The following SLC6A17 variants were observed in gnomAD, a reference collection of about 807,000 sequenced individuals.
SLC6A17 encodes the protein sodium-dependent neutral amino acid transporter SLC6A17.
A neutral mutation model predicts 64.5 loss-of-function variants in SLC6A17; 21 were observed. That is an observed-to-expected ratio of 0.33 (90% confidence interval 0.23 to 0.47). The LOEUF is 0.47. Among genes scored for constraint, SLC6A17 ranks in the 20% least tolerant of loss-of-function variants. The pLI is 1.00. For missense variants in SLC6A17, 682 were observed against 963.2 expected, an observed-to-expected ratio of 0.71 and a Z score of 3.86; for synonymous variants, 372 against 399.5, an observed-to-expected ratio of 0.93 and a Z score of 0.82.
intron 6 of SLC6A17, among the ~76,000 whole-genome samples, chr1:110,179,841 C>T (rs1656474638): frequency 6.6e-6 from 1 of 152,026 alleles, no homozygotes; most frequent in African/African-American, 2.4e-5. Context: ...GCGTGAGCCA[C>T]TGCGCCTGGC....
intron 1 of SLC6A17, among the ~76,000 whole-genome samples, chr1:110,165,950 C>A (rs906217306): frequency 2.0e-5 from 3 of 152,160 alleles, no homozygotes; most frequent in Non-Finnish European, 4.4e-5. Flanking sequence ...TCAAAGGCTT[C>A]GTTTTCTTGG....
chr1:110,160,237 T>C (rs1393812017), intron 1 of SLC6A17, among the ~76,000 whole-genome samples: 2 of 152,092 alleles, frequency 1.3e-5, no homozygotes, highest in African/African-American at 4.8e-5. Flanking sequence ...TGGATTAGAG[T>C]CCCCCTGGCT....
chr1:110,167,572 G>A (rs539300809), intron 2 of SLC6A17, among the ~76,000 whole-genome samples: 10 of 152,248 alleles, frequency 6.6e-5, no homozygotes, highest in Non-Finnish European at 1.0e-4. Flanking sequence ...TGAGCTTTAC[G>A]TGCAGAATGG....
intron 6 of SLC6A17, among the ~76,000 whole-genome samples, chr1:110,187,123 AAAAAAC>A (rs1553206857): frequency 5.9e-5 from 9 of 151,768 alleles, no homozygotes; most frequent in South Asian, 2.1e-4. Context: ...TCTTGTTAAA[AAAAAAC>A]AAAAACAAAA....
chr1:110,183,556 A>G (rs1332025925), intron 6 of SLC6A17, among the ~76,000 whole-genome samples: 2 of 152,208 alleles, frequency 1.3e-5, no homozygotes, highest in Non-Finnish European at 2.9e-5. Context: ...GTGTGGTAAT[A>G]GTTACACAAC....
intron 6 of SLC6A17, among the ~76,000 whole-genome samples, chr1:110,183,176 C>A (rs1416557540): frequency 6.6e-6 from 1 of 152,208 alleles, no homozygotes; most frequent in Non-Finnish European, 1.5e-5. Context: ...CACAAATGTT[C>A]ATAGCAGCAT....
intron 11 of SLC6A17, 101 bp downstream of exon 11, chr1:110,197,700 C>T (rs1044305153): frequency 1.4e-5 from 18 of 1,309,852 alleles, no homozygotes; most frequent in Non-Finnish European, 1.7e-5. Flanking sequence ...CTGCTATGTG[C>T]CAGGCCTTGC....
At chr1:110,162,585 G>A (rs1311143905) in intron 1 of SLC6A17, among the ~76,000 whole-genome samples, 1 of 152,124 alleles carries the variant, frequency 6.6e-6, no homozygotes, top group Non-Finnish European at 1.5e-5. Flanking sequence ...CCCCTCTCAG[G>A]GTCCTTCTCT....
chr1:110,153,160 G>A (rs1655652564), intron 1 of SLC6A17, among the ~76,000 whole-genome samples: 1 of 152,162 alleles, frequency 6.6e-6, no homozygotes, highest in South Asian at 2.1e-4. Context: ...CCTTGGGGTT[G>A]TTTCTGACTG....
chr1:110,175,019 G>A (rs1433833804), intron 5 of SLC6A17, 59 bp downstream of exon 5: 2 of 1,560,536 alleles, frequency 1.3e-6, no homozygotes, highest in East Asian at 2.3e-5. Context: ...GGCACAGAGG[G>A]CACAGGGCTA....
At chr1:110,169,962 C>T (rs1656174776) in intron 2 of SLC6A17, among the ~76,000 whole-genome samples, 1 of 152,178 alleles carries the variant, frequency 6.6e-6, no homozygotes, top group Non-Finnish European at 1.5e-5. Context: ...CACTTCAGGG[C>T]CTGGCGGCCT....
intron 6 of SLC6A17, among the ~76,000 whole-genome samples, chr1:110,184,962 G>T (rs1656640249): frequency 6.6e-6 from 1 of 152,194 alleles, no homozygotes. Context: ...TCAACTCCTA[G>T]AGAAGAGAAG....
At chr1:110,171,986 A>G in intron 2 of SLC6A17, 74 bp from the exon 3 acceptor site, 1 of 1,556,134 alleles carries the variant, frequency 6.4e-7, no homozygotes, top group Non-Finnish European at 8.7e-7. Context: ...ACTGGAAGAC[A>G]TGGCTGCGGC....
At position 110,187,242 on chromosome 1, in the gene SLC6A17, G is replaced by A. The variant is rs963525096; in HGVS notation, c.865-4730G>A. Among the ~76,000 whole-genome samples the A allele has an allele frequency of 5.3e-5, 8 of 151,152 alleles. No homozygotes were observed. In the East Asian group the frequency reaches 5.8e-4, roughly 11 times the overall value. On this transcript the variant is annotated intron_variant, in intron 6 of 11. Coordinates refer to ENST00000331565, the MANE Select transcript of SLC6A17 (RefSeq NM_001010898.4). ...TCGCTAATCAGGCAGAACAATTCGC[G>A]AATCGGGCAGCCTTCCGAGCCAGAG...
At chr1:110,189,096 C>T (rs1332443027) in intron 6 of SLC6A17, among the ~76,000 whole-genome samples, 1 of 152,204 alleles carries the variant, frequency 6.6e-6, no homozygotes, top group Non-Finnish European at 1.5e-5. Context: ...GCTTCTTATC[C>T]CTCTGTAACT....
At chr1:110,158,845 A>G (rs1570978136) in intron 1 of SLC6A17, among the ~76,000 whole-genome samples, 1 of 152,148 alleles carries the variant, frequency 6.6e-6, no homozygotes, top group African/African-American at 2.4e-5. Flanking sequence ...GCACATTGCC[A>G]CATCTTAAAA....
chr1:110,192,704 G>GGGACAGGCTGCCCTTCCCA lies in SLC6A17; in HGVS notation c.1299+15_1299+33dup. On this transcript the variant is annotated splice_region_variant and intron_variant, in intron 8 of 11. Coordinates refer to ENST00000331565, the MANE Select transcript of SLC6A17 (RefSeq NM_001010898.4). The surrounding 1 kb of genome is among the most constrained non-coding windows in gnomAD (Gnocchi z 4.3). ...TGGAGGACGAGCTGGACAAGGTGCG[G>GGGACAGGCTGCCCTTCCCA]GGACAGGCTGCCCTTCCCAGGACAG... The GGGACAGGCTGCCCTTCCCA allele has an allele frequency of 6.2e-7, 1 of 1,609,802 alleles. No homozygotes were observed. Among genetic ancestry groups the GGGACAGGCTGCCCTTCCCA allele is most frequent in the Non-Finnish European group, 8.5e-7 (1 of 1,177,364 alleles).
At chr1:110,172,530 C>T in intron 3 of SLC6A17, 1 of 288,058 alleles carries the variant, frequency 3.5e-6, no homozygotes. Context: ...AACATATGGA[C>T]TAGCCCAGAT....
intron 2 of SLC6A17, among the ~76,000 whole-genome samples, chr1:110,170,353 G>A (rs558348741): frequency 3.3e-5 from 5 of 152,238 alleles, no homozygotes; most frequent in African/African-American, 1.2e-4. Flanking sequence ...GCGTGGTGGC[G>A]GGCGCCTGTA....
Sources: gnomAD v4.1 joint callset for allele counts (sites outside exome capture counted in the v4.1 genomes callset) on GRCh38, gnomAD v4.1.1 for gene constraint, Gnocchi (gnomAD v3.1) non-coding constraint, MANE v1.5 for transcripts, NCBI Gene and HGNC (gene_info 2026-07-23, HGNC 2026-07-21) for gene names.